The following MACROD2 variants were observed in gnomAD, a reference collection of about 807,000 sequenced individuals.
MACROD2 encodes ADP-ribose glycohydrolase MACROD2.
In MACROD2, 36 loss-of-function variants were observed where a neutral mutation model predicts 70.4. That is an observed-to-expected ratio of 0.51 (90% CI 0.39 to 0.68). MACROD2 has a LOEUF of 0.68. Among genes scored for constraint, MACROD2 ranks in the 30% least tolerant of loss-of-function variants. The probability of loss-of-function intolerance (pLI) is 0.00; values close to 1 mark genes in which losing one functional copy is unlikely to be tolerated. For synonymous variants in MACROD2, 172 were observed against 178.8 expected, an observed-to-expected ratio of 0.96 and a Z score of 0.30; for missense variants, 496 against 538.4, an observed-to-expected ratio of 0.92 and a Z score of 0.78.
intron 5 of MACROD2, among the ~76,000 whole-genome samples, chr20:15,202,807 A>G (rs1310655320): frequency 6.6e-6 from 1 of 152,162 alleles, no homozygotes; most frequent in South Asian, 2.1e-4. Flanking sequence ...AGGTTAGAGT[A>G]TGTCAGTGTA....
chr20:15,741,141 G>T (rs1230780677), intron 8 of MACROD2, among the ~76,000 whole-genome samples: 1 of 147,022 alleles, frequency 6.8e-6, no homozygotes, highest in African/African-American at 2.5e-5. Flanking sequence ...CACCAGGCTG[G>T]AGTGCAGTGG....
chr20:14,184,799 G>T (rs2081331951), intron 3 of MACROD2, among the ~76,000 whole-genome samples: 1 of 152,072 alleles, frequency 6.6e-6, no homozygotes, highest in South Asian at 2.1e-4. Context: ...TTGTGGATAG[G>T]ATTGCATTCT....
intron 11 of MACROD2, among the ~76,000 whole-genome samples, chr20:15,934,274 G>C (rs2065624161): frequency 6.6e-6 from 1 of 152,134 alleles, no homozygotes; most frequent in African/African-American, 2.4e-5. Context: ...GTTTTTCACT[G>C]TAAACTTCTT....
chr20:15,156,024 G>A (rs759475165), intron 5 of MACROD2, among the ~76,000 whole-genome samples: 1 of 152,144 alleles, frequency 6.6e-6, no homozygotes, highest in Non-Finnish European at 1.5e-5. Context: ...AGGTGGTAAG[G>A]TGTGACATTT....
At chr20:14,849,100 G>C (rs2073172372) in intron 5 of MACROD2, among the ~76,000 whole-genome samples, 1 of 152,142 alleles carries the variant, frequency 6.6e-6, no homozygotes, top group South Asian at 2.1e-4. Context: ...CTCTCTTCTG[G>C]TCAGGGCTCT....
At chr20:15,713,375 G>T (rs1301370123) in intron 8 of MACROD2, among the ~76,000 whole-genome samples, 2 of 152,194 alleles carry the variant, frequency 1.3e-5, no homozygotes, top group Non-Finnish European at 2.9e-5. Context: ...TCACACTGAT[G>T]TAAAGAAGTA....
intron 5 of MACROD2, among the ~76,000 whole-genome samples, chr20:14,779,857 C>T (rs2072277974): frequency 6.6e-6 from 1 of 152,060 alleles, no homozygotes; most frequent in South Asian, 2.1e-4. Context: ...CTGCATTTAG[C>T]TTTATTGCTT....
intron 13 of MACROD2, among the ~76,000 whole-genome samples, chr20:15,979,429 T>C (rs1448459276): frequency 6.6e-6 from 1 of 152,122 alleles, no homozygotes; most frequent in Non-Finnish European, 1.5e-5. Flanking sequence ...GGTGGGAACA[T>C]ACACTTGTCC....
chr20:15,139,219 G>A lies in MACROD2; in HGVS notation c.419-90721G>A, dbSNP rs377149197. 1.2e-4 allele frequency among the ~76,000 whole-genome samples: 18 copies of A among 152,302 alleles called. No homozygotes were observed. The East Asian group carries it at 1.9e-3, about 16-fold the overall frequency. On this transcript the variant is annotated intron_variant, in intron 5 of 17. Coordinates refer to ENST00000684519, the MANE Select transcript of MACROD2 (RefSeq NM_001351661.2). ...TGCAGAAGCAATTGTAGATTTTTAT[G>A]AGGAAAACAATGAACATGTCACCCT...
intron 8 of MACROD2, among the ~76,000 whole-genome samples, chr20:15,669,097 A>G (rs6043423): frequency 0.012 from 1,899 of 152,322 alleles, 42 homozygotes; most frequent in African/African-American, 0.043. Context: ...ACAAGTGAAA[A>G]AAGTGAAGTC....
chr20:14,369,674 G>T (rs944626631), intron 3 of MACROD2, among the ~76,000 whole-genome samples: 3 of 152,260 alleles, frequency 2.0e-5, no homozygotes, highest in African/African-American at 7.2e-5. Flanking sequence ...ATGGTATAAT[G>T]TGCACTGTCC....
chr20:14,861,897 A>G (rs1282410118), intron 5 of MACROD2, among the ~76,000 whole-genome samples: 2 of 137,086 alleles, frequency 1.5e-5, no homozygotes, highest in Admixed American at 8.6e-5. Flanking sequence ...TACTTATGGT[A>G]TTATGCTCTG....
At chr20:14,778,790 A>C (rs2072264663) in intron 5 of MACROD2, among the ~76,000 whole-genome samples, 1 of 152,232 alleles carries the variant, frequency 6.6e-6, no homozygotes, top group Non-Finnish European at 1.5e-5. Flanking sequence ...GAAAGTGGTT[A>C]GATTCCTTGT....
intron 15 of MACROD2, among the ~76,000 whole-genome samples, chr20:16,002,938 C>G (rs2066730273): frequency 6.6e-6 from 1 of 152,134 alleles, no homozygotes; most frequent in South Asian, 2.1e-4. Context: ...GGTAGGCAAA[C>G]AGAGTACCCT....
rs539283020 is a variant in MACROD2, at chr20:14,747,116, A to G, written c.418+62157A>G. 4.6e-5 allele frequency among the ~76,000 whole-genome samples: 7 copies of G among 152,282 alleles called. No homozygotes were observed. The South Asian group carries it at 1.5e-3, about 32-fold the overall frequency. On this transcript the variant is annotated intron_variant, in intron 5 of 17. Transcript: ENST00000684519. Reference sequence around the variant, plus strand: ...AACCAACATGAATAGCAGTGCCTATAAAGGTAGCGTGCTTTGCCAGATCCA... The same window carrying G: ...AACCAACATGAATAGCAGTGCCTATGAAGGTAGCGTGCTTTGCCAGATCCA...
chr20:14,225,089 A>G (rs1339782752), intron 3 of MACROD2, among the ~76,000 whole-genome samples: 2 of 152,186 alleles, frequency 1.3e-5, no homozygotes, highest in Non-Finnish European at 2.9e-5. Context: ...TGACATCTTT[A>G]GATCCTATTT....
intron 6 of MACROD2, among the ~76,000 whole-genome samples, chr20:15,378,360 C>T (rs1370136355): frequency 6.7e-6 from 1 of 149,792 alleles, no homozygotes; most frequent in East Asian, 2.0e-4. Context: ...CATCAGTAAT[C>T]CAGGCATGAG....
At chr20:16,005,453 G>T (rs1466214953) in intron 15 of MACROD2, among the ~76,000 whole-genome samples, 2 of 152,144 alleles carry the variant, frequency 1.3e-5, no homozygotes, top group Non-Finnish European at 2.9e-5. Context: ...TGTTCACCTG[G>T]ATTGCCAAGT....
chr20:15,880,052 G>A (rs551552427), intron 9 of MACROD2, among the ~76,000 whole-genome samples: 2 of 152,010 alleles, frequency 1.3e-5, no homozygotes, highest in Non-Finnish European at 2.9e-5. Flanking sequence ...ATTGGATGAG[G>A]CTCACTCACA....
Sources: gnomAD v4.1 joint callset for allele counts (sites outside exome capture counted in the v4.1 genomes callset) on GRCh38, gnomAD v4.1.1 for gene constraint, MANE v1.5 for transcripts, NCBI Gene and HGNC (gene_info 2026-07-23, HGNC 2026-07-21) for gene names.